The following BMPR1B variants were observed in gnomAD, a reference collection of about 807,000 sequenced individuals.
BMPR1B encodes bone morphogenetic protein receptor type-1B.
BMPR1B carries 12 observed loss-of-function variants against 59.1 expected under a neutral mutation model. That is an observed-to-expected ratio of 0.20 (90% CI 0.13 to 0.33). The LOEUF is 0.33. BMPR1B is among the 10% of genes least tolerant of loss of function. The pLI, the probability that BMPR1B is intolerant of heterozygous loss-of-function variation, is 1.00. For synonymous variants in BMPR1B, 237 were observed against 207.3 expected (o/e 1.14, Z -1.23); for missense variants, 550 against 610.9 (o/e 0.90, Z 1.05).
At chr4:94,979,159 A>G (rs1560577238) in intron 2 of BMPR1B, among the ~76,000 whole-genome samples, 1 of 152,098 alleles carries the variant, frequency 6.6e-6, no homozygotes, top group South Asian at 2.1e-4. Flanking sequence ...ACACGTGGGG[A>G]TTATGAGAGC....
At chr4:95,007,193 G>T (rs182855665) in intron 3 of BMPR1B, among the ~76,000 whole-genome samples, 2 of 152,144 alleles carry the variant, frequency 1.3e-5, no homozygotes, top group South Asian at 2.1e-4. Flanking sequence ...CTATACTCTG[G>T]AATGTTTTTT....
At chr4:94,975,234 C>T (rs1488559031) in intron 2 of BMPR1B, among the ~76,000 whole-genome samples, 1 of 152,100 alleles carries the variant, frequency 6.6e-6, no homozygotes, top group Non-Finnish European at 1.5e-5. Context: ...GAACCATTAA[C>T]TCTGTCCAGG....
chr4:94,779,786 C>T (rs149928575), intron 1 of BMPR1B, among the ~76,000 whole-genome samples: 1,884 of 151,840 alleles, frequency 0.012, 106 homozygotes, highest in Admixed American at 0.09. Context: ...GAGCCGAGAT[C>T]GTGCCACCTC....
intron 2 of BMPR1B, among the ~76,000 whole-genome samples, chr4:94,919,708 T>C (rs1307317578): frequency 2.6e-5 from 4 of 152,206 alleles, no homozygotes; most frequent in Admixed American, 2.6e-4. Context: ...CTTTTCATCA[T>C]AGGCTGAGCC....
At chr4:94,966,623 C>G (rs899756937) in intron 2 of BMPR1B, among the ~76,000 whole-genome samples, 1 of 152,154 alleles carries the variant, frequency 6.6e-6, no homozygotes, top group Non-Finnish European at 1.5e-5. Context: ...ACAATGAACT[C>G]TATACTCAAC....
chr4:95,104,545 G>T lies in BMPR1B; in HGVS notation c.121G>T (p.Asp41Tyr), dbSNP rs775495653. 11 of 1,613,240 alleles carry T rather than the reference G, an allele frequency of 6.8e-6. No individual in the cohort carries two copies. Among genetic ancestry groups the T allele is most frequent in the South Asian group, 1.1e-5 (1 of 91,068 alleles). ...RCKCHHHCPE[D>Y]SVNNICSTDG... ...TAAATGCCACCACCATTGTCCAGAA[G>T]ACTCAGTCAACAATATTTGCAGGTT... Residue 41 changes from aspartate (D) to tyrosine (Y), a missense_variant, in exon 4 of 13, where the codon GAC becomes TAC. Coordinates refer to ENST00000515059, the MANE Select transcript of BMPR1B (RefSeq NM_001203.3).
At chr4:94,825,729 A>G (rs892235568) in intron 1 of BMPR1B, among the ~76,000 whole-genome samples, 5 of 152,222 alleles carry the variant, frequency 3.3e-5, no homozygotes, top group Admixed American at 1.3e-4. Context: ...GTAAATCCAG[A>G]CTGCCTTTAT....
intron 2 of BMPR1B, among the ~76,000 whole-genome samples, chr4:94,954,629 C>G (rs2149059029): frequency 6.6e-6 from 1 of 152,288 alleles, no homozygotes; most frequent in African/African-American, 2.4e-5. Flanking sequence ...GGTTTTATAA[C>G]TCAGTCTTTC....
At chr4:94,803,588 C>G (rs181373513) in intron 1 of BMPR1B, among the ~76,000 whole-genome samples, 1 of 152,192 alleles carries the variant, frequency 6.6e-6, no homozygotes, top group East Asian at 1.9e-4. Flanking sequence ...TCTCCTAGGT[C>G]GTCTTTATGT....
chr4:94,850,204 C>T (rs200497782), intron 1 of BMPR1B, among the ~76,000 whole-genome samples: 1 of 151,934 alleles, frequency 6.6e-6, no homozygotes, highest in Non-Finnish European at 1.5e-5. Flanking sequence ...GGGGCTCTTC[C>T]TTTTTTGTGC....
chr4:94,937,902 A>G (rs545385119), intron 2 of BMPR1B, among the ~76,000 whole-genome samples: 44 of 152,330 alleles, frequency 2.9e-4, no homozygotes, highest in Non-Finnish European at 5.1e-4. Context: ...TGGCTATGGG[A>G]TAAATGAGTC....
rs1735273423 is a variant in BMPR1B, at chr4:95,154,530, A to G, written c.1384-18A>G. On this transcript the variant is annotated intron_variant, in intron 12 of 12. Transcript: ENST00000515059. ...AGCCTTGCAGATGATACATTTTTCT[A>G]ACATTTCTCTTCCTCAGTGTCTAAG... 6.2e-7 allele frequency: 1 copy of G among 1,614,024 alleles called. No homozygotes were observed. The highest frequency in any genetic ancestry group is 1.7e-5 in the Admixed American group (1 of 60,030).
At position 95,110,103 on chromosome 4, in the gene BMPR1B, G is replaced by A. The variant is rs899175657; in HGVS notation, c.144-4617G>A. ...TTAATAGAAAGTGATAGTGCAGGGC[G>A]CTTTAAAATTATACAGAGAGAACTC... is the stretch of plus-strand genomic sequence containing the variant. On this transcript the variant is annotated intron_variant, in intron 4 of 12. Coordinates refer to ENST00000515059, the MANE Select transcript of BMPR1B (RefSeq NM_001203.3). Among the ~76,000 whole-genome samples the A allele has an allele frequency of 1.4e-4, 21 of 151,776 alleles. 1 individual carries two copies. Among genetic ancestry groups the A allele is most frequent in the Non-Finnish European group, 7.4e-5 (5 of 67,966 alleles).
At chr4:95,028,706 T>C (rs1724596449) in intron 3 of BMPR1B, among the ~76,000 whole-genome samples, 1 of 152,168 alleles carries the variant, frequency 6.6e-6, no homozygotes, top group South Asian at 2.1e-4. Flanking sequence ...AAAGATGCCT[T>C]GTTTGTGGTA....
intron 2 of BMPR1B, among the ~76,000 whole-genome samples, chr4:94,958,571 A>C (rs1730242282): frequency 6.6e-6 from 1 of 152,116 alleles, no homozygotes; most frequent in African/African-American, 2.4e-5. Context: ...AACGCCAGTC[A>C]TGTTGGGTTA....
At chr4:94,937,375 G>A (rs943374023) in intron 2 of BMPR1B, among the ~76,000 whole-genome samples, 3 of 152,112 alleles carry the variant, frequency 2.0e-5, no homozygotes, top group South Asian at 4.1e-4. Context: ...CCCTTAAAAT[G>A]TTTGTTTACA....
chr4:95,115,219 C>A (rs983098680), intron 5 of BMPR1B, among the ~76,000 whole-genome samples: 4 of 152,154 alleles, frequency 2.6e-5, no homozygotes, highest in Admixed American at 2.0e-4. Context: ...ATGACAGAAT[C>A]ACCTCATAAC....
chr4:94,911,732 C>T (rs1418015161), intron 2 of BMPR1B, among the ~76,000 whole-genome samples: 1 of 152,130 alleles, frequency 6.6e-6, no homozygotes, highest in Non-Finnish European at 1.5e-5. Flanking sequence ...TTTCAACCTT[C>T]TTTCTGCTTC....
At chr4:94,901,842 C>T (rs1456972702) in intron 2 of BMPR1B, among the ~76,000 whole-genome samples, 1 of 151,946 alleles carries the variant, frequency 6.6e-6, no homozygotes, top group Non-Finnish European at 1.5e-5. Flanking sequence ...TGGAGGGACT[C>T]TTCTCCTGAA....
Sources: allele counts gnomAD v4.1 joint callset (sites outside exome capture counted in the v4.1 genomes callset), GRCh38; gene constraint gnomAD v4.1.1; transcripts MANE v1.5; gene names NCBI Gene and HGNC (gene_info 2026-07-23, HGNC 2026-07-21).